The following CNTN4 variants were observed in gnomAD, a reference collection of about 807,000 sequenced individuals.
The protein encoded by CNTN4 is contactin 4.
A neutral mutation model predicts 122.5 loss-of-function variants in CNTN4; 77 were observed. The ratio of observed to expected loss-of-function variants is 0.63; its 90% CI spans 0.52 to 0.76. The LOEUF is 0.76. CNTN4 is among the 30% of genes least tolerant of loss of function. The pLI is 0.00. For synonymous variants in CNTN4, 512 were observed against 447.0 expected (o/e 1.15, Z -1.83); for missense variants, 1,256 against 1,259.1 (o/e 1.00, Z 0.04).
intron 3 of CNTN4, among the ~76,000 whole-genome samples, chr3:2,502,947 G>T (rs563774834): frequency 2.0e-5 from 3 of 152,242 alleles, no homozygotes; most frequent in Non-Finnish European, 4.4e-5. Flanking sequence ...ACTGTTGTAT[G>T]TCCTTGTGAA....
At chr3:3,047,459 C>G (rs978910272) in intron 23 of CNTN4, among the ~76,000 whole-genome samples, 1 of 151,860 alleles carries the variant, frequency 6.6e-6, no homozygotes, top group Non-Finnish European at 1.5e-5. Context: ...AACTAGAACT[C>G]AGGATTAAGA....
intron 13 of CNTN4, among the ~76,000 whole-genome samples, chr3:2,982,987 G>A (rs570552599): frequency 2.8e-4 from 42 of 151,864 alleles, no homozygotes; most frequent in African/African-American, 9.2e-4. Flanking sequence ...AGGCGAGGCG[G>A]GCGGATCACG....
At chr3:2,560,162 C>T (rs530590473) in intron 3 of CNTN4, among the ~76,000 whole-genome samples, 1 of 145,590 alleles carries the variant, frequency 6.9e-6, no homozygotes, top group South Asian at 2.2e-4. Flanking sequence ...TTTTTTAAGA[C>T]AGGGTTTCAC....
At chr3:2,281,998 T>C (rs773777267) in intron 2 of CNTN4, among the ~76,000 whole-genome samples, 7 of 152,188 alleles carry the variant, frequency 4.6e-5, no homozygotes, top group Non-Finnish European at 8.8e-5. Flanking sequence ...TTTTTTGCTT[T>C]TATTTTTGCA....
rs1467066215 is a variant in CNTN4, at chr3:2,677,197, C to CTA, written c.56-59017_56-59016insAT. 6.1e-5 allele frequency among the ~76,000 whole-genome samples: 9 copies of CTA among 146,562 alleles called. No homozygotes were observed. In the South Asian group the frequency reaches 8.7e-4, roughly 14 times the overall value. On this transcript the variant is annotated intron_variant, in intron 4 of 24. Transcript: ENST00000418658. ...GATGTGTATATATATAGATATATCT[C>CTA]TCTCTATATATGTATATATATATCT... is the stretch of plus-strand genomic sequence containing the variant.
intron 6 of CNTN4, among the ~76,000 whole-genome samples, chr3:2,816,213 G>A (rs1466775497): frequency 2.0e-5 from 3 of 148,016 alleles, no homozygotes; most frequent in Non-Finnish European, 4.4e-5. Flanking sequence ...AATTAGCCGG[G>A]CGTGGTGGCG....
intron 3 of CNTN4, among the ~76,000 whole-genome samples, chr3:2,443,261 A>G (rs1305379341): frequency 1.3e-5 from 2 of 152,144 alleles, no homozygotes; most frequent in Non-Finnish European, 2.9e-5. Context: ...TGTCCTTTCA[A>G]CATAATTGAT....
intron 3 of CNTN4, among the ~76,000 whole-genome samples, chr3:2,531,450 C>G (rs1179227794): frequency 1.3e-5 from 2 of 152,170 alleles, no homozygotes; most frequent in African/African-American, 2.4e-5. Context: ...CTCTCTATGC[C>G]TTCAACCAGG....
In CNTN4 at chr3:2,840,738, C is replaced by T. The variant is rs144502409; in HGVS notation, c.454+21157C>T. On this transcript the variant is annotated intron_variant, in intron 7 of 24. Transcript: ENST00000418658. Reference sequence around the variant, plus strand: ...TAAAAATAAAAAAATAAAAGCTGGACGACTAGATTTTTAAAAAATGTTTAG... The same window carrying T: ...TAAAAATAAAAAAATAAAAGCTGGATGACTAGATTTTTAAAAAATGTTTAG... Among the ~76,000 whole-genome samples the T allele has an allele frequency of 6.1e-3, 920 of 151,778 alleles. 12 individuals are homozygous for T. The highest frequency in any genetic ancestry group is 0.022 in the African/African-American group (896 of 41,404).
chr3:2,805,423 G>A (rs1035348706), intron 6 of CNTN4, among the ~76,000 whole-genome samples: 1 of 152,190 alleles, frequency 6.6e-6, no homozygotes, highest in Non-Finnish European at 1.5e-5. Flanking sequence ...GAGCAATGTT[G>A]TGACGATGGA....
rs537151717 is a variant in CNTN4 at position 2,992,933 on chromosome 3, A to G, written c.1486+4461A>G. Among the ~76,000 whole-genome samples the G allele has an allele frequency of 3.3e-5, 5 of 152,124 alleles. No individual in the cohort carries two copies. In the East Asian group the frequency reaches 9.7e-4, roughly 29 times the overall value. On this transcript the variant is annotated intron_variant, in intron 14 of 24. Transcript: ENST00000418658. ...TCCTGGGCCTCACTCCTACCCTAAC[A>G]AATCTAACTCCTAGGGAGGAGGCCT...
At chr3:2,680,830 T>G (rs1157869109) in intron 4 of CNTN4, among the ~76,000 whole-genome samples, 1 of 152,194 alleles carries the variant, frequency 6.6e-6, no homozygotes, top group Non-Finnish European at 1.5e-5. Context: ...GAAATAACAG[T>G]AACAGTAATT....
intron 3 of CNTN4, among the ~76,000 whole-genome samples, chr3:2,541,291 T>C (rs945503946): frequency 2.0e-5 from 3 of 152,140 alleles, no homozygotes; most frequent in African/African-American, 7.2e-5. Context: ...TTTTTCTTTT[T>C]CTGGAGTGAG....
chr3:2,787,628 A>T (rs1311591742), intron 6 of CNTN4, among the ~76,000 whole-genome samples: 1 of 152,266 alleles, frequency 6.6e-6, no homozygotes, highest in East Asian at 1.9e-4. Flanking sequence ...AGTCTAGTTC[A>T]CTTACCAGCT....
intron 3 of CNTN4, among the ~76,000 whole-genome samples, chr3:2,495,021 C>T (rs537039305): frequency 1.3e-5 from 2 of 152,174 alleles, no homozygotes; most frequent in African/African-American, 2.4e-5. Context: ...ATTAAGTCCT[C>T]GAGAGATCTG....
intron 3 of CNTN4, among the ~76,000 whole-genome samples, chr3:2,563,677 T>C (rs922480135): frequency 6.6e-6 from 1 of 152,186 alleles, no homozygotes; most frequent in Non-Finnish European, 1.5e-5. Flanking sequence ...CTCTTCTGTG[T>C]TTAACTAAAC....
intron 4 of CNTN4, among the ~76,000 whole-genome samples, chr3:2,574,009 G>C (rs1376653133): frequency 6.6e-6 from 1 of 152,112 alleles, no homozygotes. Flanking sequence ...CTGAGGTCAG[G>C]AGTTAGAGAC....
At chr3:2,474,792 G>A (rs1372772709) in intron 3 of CNTN4, among the ~76,000 whole-genome samples, 1 of 152,054 alleles carries the variant, frequency 6.6e-6, no homozygotes, top group South Asian at 2.1e-4. Context: ...TTTTCCACTT[G>A]AATCCATATC....
intron 12 of CNTN4, among the ~76,000 whole-genome samples, chr3:2,924,512 A>G (rs2094455536): frequency 6.6e-6 from 1 of 152,228 alleles, no homozygotes; most frequent in South Asian, 2.1e-4. Flanking sequence ...CTTCTTGCAC[A>G]TTAATTCAAT....
Sources: gnomAD v4.1 joint callset for allele counts (sites outside exome capture counted in the v4.1 genomes callset) on GRCh38, gnomAD v4.1.1 for gene constraint, MANE v1.5 for transcripts, NCBI Gene and HGNC (gene_info 2026-07-23, HGNC 2026-07-21) for gene names.